CCDC60: variants seen among roughly 807,000 people sequenced by gnomAD.
CCDC60 encodes coiled-coil domain-containing protein 60.
In CCDC60, 54 loss-of-function variants were observed where a neutral mutation model predicts 63.5. The ratio of observed to expected loss-of-function variants is 0.85; its 90% confidence interval spans 0.68 to 1.07. The LOEUF (loss-of-function observed/expected upper bound fraction) is 1.07. Ranked by LOEUF, CCDC60 falls within the 50% of genes least tolerant of loss-of-function variation. The pLI is 0.00. For missense variants in CCDC60, 651 were observed against 684.3 expected (o/e 0.95, Z 0.54); for synonymous variants, 206 against 238.8 (o/e 0.86, Z 1.27).
chr12:119,523,951 T>G, intron 11 of CCDC60, 133 bp downstream of exon 11: 1 of 884,338 alleles, frequency 1.1e-6, no homozygotes, highest in Non-Finnish European at 1.7e-6. Context: ...GAGCTCACAG[T>G]CTTCTGGAAA....
At chr12:119,461,009 G>T (rs1566021977) in intron 2 of CCDC60, among the ~76,000 whole-genome samples, 2 of 152,038 alleles carry the variant, frequency 1.3e-5, no homozygotes, top group Non-Finnish European at 2.9e-5. Flanking sequence ...ACCTATGCTT[G>T]GAGCATGCAA....
intron 1 of CCDC60, among the ~76,000 whole-genome samples, chr12:119,359,678 C>CGGCCTT (rs1391930462): frequency 2.7e-5 from 4 of 146,436 alleles, no homozygotes; most frequent in Non-Finnish European, 4.6e-5. Flanking sequence ...GAGGACCCTG[C>CGGCCTT]GGCCTTCCGC....
At chr12:119,497,264 C>A (rs551832832) in intron 5 of CCDC60, among the ~76,000 whole-genome samples, 16 of 152,336 alleles carry the variant, frequency 1.1e-4, no homozygotes, top group Middle Eastern at 3.4e-3. Context: ...GGAAGGACCA[C>A]CAACCCTCTC....
chr12:119,379,719 T>A (rs896889815), intron 1 of CCDC60, among the ~76,000 whole-genome samples: 2 of 152,164 alleles, frequency 1.3e-5, no homozygotes, highest in African/African-American at 4.8e-5. Context: ...GTAACTGATG[T>A]GTGGGAGATG....
intron 3 of CCDC60, among the ~76,000 whole-genome samples, chr12:119,477,797 G>A (rs1951208311): frequency 6.6e-6 from 1 of 152,148 alleles, no homozygotes. Flanking sequence ...TAGAAACACA[G>A]GTCCCGAGTG....
intron 3 of CCDC60, among the ~76,000 whole-genome samples, chr12:119,474,588 G>A (rs1434624950): frequency 1.3e-5 from 2 of 152,174 alleles, no homozygotes; most frequent in Non-Finnish European, 1.5e-5. Flanking sequence ...GTCCCCTTTT[G>A]GGAGTGATGA....
intron 1 of CCDC60, among the ~76,000 whole-genome samples, chr12:119,371,551 C>T (rs376798151): frequency 3.9e-5 from 6 of 152,316 alleles, no homozygotes; most frequent in East Asian, 3.9e-4. Flanking sequence ...CCATGTCTAC[C>T]GCTTAAAAGC....
chr12:119,367,455 T>G (rs1311209427), intron 1 of CCDC60, among the ~76,000 whole-genome samples: 1 of 152,188 alleles, frequency 6.6e-6, no homozygotes, highest in Admixed American at 6.5e-5. Flanking sequence ...AACTCTGCAT[T>G]TGAAATATTA....
At chr12:119,402,045 A>C (rs1725206428) in intron 1 of CCDC60, among the ~76,000 whole-genome samples, 1 of 152,214 alleles carries the variant, frequency 6.6e-6, no homozygotes, top group African/African-American at 2.4e-5. Context: ...CCATCACTGG[A>C]GGTGCAGCCT....
intron 1 of CCDC60, among the ~76,000 whole-genome samples, chr12:119,384,847 A>G (rs1235554950): frequency 6.6e-6 from 1 of 152,056 alleles, no homozygotes; most frequent in Non-Finnish European, 1.5e-5. Context: ...TGGATTCTCA[A>G]TTTTCTTTAT....
chr12:119,517,633 G>A (rs778088309), intron 8 of CCDC60, among the ~76,000 whole-genome samples: 5 of 152,162 alleles, frequency 3.3e-5, no homozygotes, highest in African/African-American at 4.8e-5. Flanking sequence ...GAGTATTATA[G>A]GCAGCACATG....
intron 6 of CCDC60, among the ~76,000 whole-genome samples, chr12:119,501,423 C>G (rs979177314): frequency 6.6e-6 from 1 of 152,174 alleles, no homozygotes; most frequent in Non-Finnish European, 1.5e-5. Context: ...GGTTACCCAG[C>G]TGGGTACTGG....
chr12:119,460,509 A>G (rs138255286), intron 2 of CCDC60, among the ~76,000 whole-genome samples: 392 of 152,360 alleles, frequency 2.6e-3, no homozygotes, highest in African/African-American at 8.8e-3. Context: ...TATTTTCATC[A>G]TGATGCTGTG....
At chr12:119,535,854 A>G (rs1952987322) in intron 13 of CCDC60, among the ~76,000 whole-genome samples, 1 of 152,190 alleles carries the variant, frequency 6.6e-6, no homozygotes, top group Non-Finnish European at 1.5e-5. Flanking sequence ...CAGTTTTGGA[A>G]TAAGTGCGAT....
intron 7 of CCDC60, among the ~76,000 whole-genome samples, chr12:119,505,765 A>G (rs1455770394): frequency 6.6e-6 from 1 of 152,206 alleles, no homozygotes; most frequent in Non-Finnish European, 1.5e-5. Context: ...CTGAGGCAGG[A>G]GAATCACTTT....
intron 1 of CCDC60, among the ~76,000 whole-genome samples, chr12:119,383,381 C>A (rs775350699): frequency 1.3e-5 from 2 of 152,150 alleles, no homozygotes; most frequent in Non-Finnish European, 2.9e-5. Context: ...CCACATGGTC[C>A]CACCCTCCAG....
intron 2 of CCDC60, among the ~76,000 whole-genome samples, chr12:119,452,821 TTTTG>T (rs1555244720): frequency 6.9e-4 from 105 of 151,984 alleles, no homozygotes; most frequent in African/African-American, 2.3e-3. Flanking sequence ...CTTGTTTTTT[TTTTG>T]TTTGTTTGTT....
intron 1 of CCDC60, among the ~76,000 whole-genome samples, chr12:119,409,511 C>T (rs1479836038): frequency 2.0e-5 from 3 of 152,126 alleles, no homozygotes; most frequent in Non-Finnish European, 4.4e-5. Flanking sequence ...TACTAGGCAG[C>T]AGCAAGACCT....
At chr12:119,538,382 G>A (rs914554048) in intron 13 of CCDC60, among the ~76,000 whole-genome samples, 4 of 152,222 alleles carry the variant, frequency 2.6e-5, no homozygotes, top group East Asian at 1.9e-4. Flanking sequence ...TGGGTGAGGC[G>A]ATACCCTGCC....
Sources: gnomAD v4.1 joint callset for allele counts (sites outside exome capture counted in the v4.1 genomes callset) on GRCh38, gnomAD v4.1.1 for gene constraint, MANE v1.5 for transcripts, NCBI Gene and HGNC (gene_info 2026-07-23, HGNC 2026-07-21) for gene names.